Variants in DCLK1 observed in about 807,000 individuals in gnomAD.
The protein encoded by DCLK1 is doublecortin like kinase 1.
A neutral mutation model predicts 86.2 loss-of-function variants in DCLK1; 16 were observed. The observed-to-expected ratio is 0.19, with a 90% CI of 0.13 to 0.28. DCLK1 has a LOEUF of 0.28. DCLK1 is among the 10% of genes least tolerant of loss of function. The pLI is 1.00. For synonymous variants in DCLK1, 369 were observed against 370.5 expected (o/e 1.00, Z 0.05); for missense variants, 590 against 940.2 (o/e 0.63, Z 4.87).
intron 10 of DCLK1, among the ~76,000 whole-genome samples, chr13:35,824,715 T>G (rs2087480116): frequency 6.6e-6 from 1 of 152,120 alleles, no homozygotes; most frequent in Non-Finnish European, 1.5e-5. Flanking sequence ...GCTATTTTCT[T>G]TCTCTCTTCA....
At chr13:36,115,626 CAACA>C (rs1885757446) in intron 2 of DCLK1, among the ~76,000 whole-genome samples, 1 of 151,870 alleles carries the variant, frequency 6.6e-6, no homozygotes. Flanking sequence ...TAAGACACTC[CAACA>C]AATAGCAAGA....
At chr13:35,968,940 C>T (rs1322571152) in intron 3 of DCLK1, among the ~76,000 whole-genome samples, 1 of 152,158 alleles carries the variant, frequency 6.6e-6, no homozygotes, top group South Asian at 2.1e-4. Flanking sequence ...ACCAATCAGC[C>T]AACCAACAAG....
At chr13:35,910,980 G>A (rs746316780) in intron 4 of DCLK1, among the ~76,000 whole-genome samples, 1 of 152,028 alleles carries the variant, frequency 6.6e-6, no homozygotes, top group Non-Finnish European at 1.5e-5. Flanking sequence ...TAGAACACAG[G>A]TCTAAATAAC....
chr13:36,104,624 T>C (rs1566013726), intron 3 of DCLK1, among the ~76,000 whole-genome samples: 3 of 151,960 alleles, frequency 2.0e-5, no homozygotes, highest in African/African-American at 4.8e-5. Flanking sequence ...TAAATATATA[T>C]AGCAACGAGT....
chr13:36,081,979 G>T (rs2138114024), intron 3 of DCLK1, among the ~76,000 whole-genome samples: 1 of 152,282 alleles, frequency 6.6e-6, no homozygotes, highest in African/African-American at 2.4e-5. Context: ...TCTAATGAGG[G>T]TGGAGAGGCC....
intron 2 of DCLK1, among the ~76,000 whole-genome samples, chr13:36,124,768 C>A (rs1390742079): frequency 6.6e-6 from 1 of 152,188 alleles, no homozygotes; most frequent in East Asian, 1.9e-4. Context: ...ACACTCCATC[C>A]AACCTCCCTT....
chr13:35,946,601 A>G (rs1566615116), intron 4 of DCLK1, among the ~76,000 whole-genome samples: 1 of 152,246 alleles, frequency 6.6e-6, no homozygotes, highest in Admixed American at 6.5e-5. Flanking sequence ...CCAACTACGC[A>G]GAATTTGGGT....
At chr13:35,862,994 T>G (rs540205626) in intron 5 of DCLK1, among the ~76,000 whole-genome samples, 1 of 152,330 alleles carries the variant, frequency 6.6e-6, no homozygotes, top group Admixed American at 6.5e-5. Flanking sequence ...GTATTTTCAC[T>G]GCACCTTTTC....
intron 3 of DCLK1, among the ~76,000 whole-genome samples, chr13:36,023,238 C>T (rs1385925470): frequency 6.6e-6 from 1 of 152,132 alleles, no homozygotes; most frequent in Non-Finnish European, 1.5e-5. Flanking sequence ...AAGAAATTAG[C>T]TCATGTGATT....
chr13:35,909,840 C>G (rs1302962350), intron 4 of DCLK1, among the ~76,000 whole-genome samples: 1 of 151,890 alleles, frequency 6.6e-6, no homozygotes, highest in East Asian at 1.9e-4. Flanking sequence ...CTTTATTACT[C>G]CTTAAAAGAA....
In DCLK1 at chr13:35,954,319, T is replaced by C. The variant is rs558562955; in HGVS notation, c.724-6862A>G. 2.0e-5 allele frequency among the ~76,000 whole-genome samples: 3 copies of C among 152,270 alleles called. No homozygotes were observed. In the South Asian group the frequency reaches 6.2e-4, roughly 32 times the overall value. On this transcript the variant is annotated intron_variant, in intron 3 of 16. Coordinates refer to ENST00000360631, the MANE Select transcript of DCLK1 (RefSeq NM_001330071.2). ...GTGACCATTATAATTAGCTTTCAGT[T>C]AAAACTTGGCACATATGGGGCTCCT...
chr13:35,800,604 G>A (rs530781790), intron 15 of DCLK1, among the ~76,000 whole-genome samples: 1 of 152,324 alleles, frequency 6.6e-6, no homozygotes, highest in African/African-American at 2.4e-5. Flanking sequence ...CTTAGAGGAA[G>A]CTCCTGGATG....
intron 3 of DCLK1, among the ~76,000 whole-genome samples, chr13:36,013,851 C>A (rs1250546075): frequency 1.3e-5 from 2 of 152,214 alleles, no homozygotes; most frequent in Admixed American, 6.5e-5. Context: ...GCAGTTTGAT[C>A]TCAGACTGCT....
intron 3 of DCLK1, among the ~76,000 whole-genome samples, chr13:36,043,301 G>A (rs375267443): frequency 3.3e-5 from 5 of 150,606 alleles, no homozygotes; most frequent in African/African-American, 9.7e-5. Flanking sequence ...AAAAAATAAA[G>A]AACTTTTAAA....
chr13:35,839,955 A>G (rs1869673821), intron 6 of DCLK1, among the ~76,000 whole-genome samples: 1 of 152,214 alleles, frequency 6.6e-6, no homozygotes, highest in Admixed American at 6.5e-5. Context: ...TCCTGAGAAA[A>G]CAATTTGCAC....
chr13:35,849,754 T>C lies in DCLK1; in HGVS notation c.1035+4745A>G, dbSNP rs558621462. 7 of 985,164 alleles carry C rather than the reference T, an allele frequency of 7.1e-6. 1 individual carries two copies. The East Asian group carries it at 6.8e-4, about 96-fold the overall frequency. 61.0% of individuals were successfully genotyped at this position (985,164 alleles called of 1,614,324 possible). ...CAGCAAGATTGAGAATTTTTCAGAG[T>C]GGAGATTTGGATACTCTGGGCCTGA... On this transcript the variant is annotated intron_variant, in intron 6 of 16. Transcript: ENST00000360631.
intron 3 of DCLK1, among the ~76,000 whole-genome samples, chr13:35,971,926 T>C (rs916089271): frequency 1.3e-5 from 2 of 152,184 alleles, no homozygotes; most frequent in Non-Finnish European, 2.9e-5. Flanking sequence ...AAATAATTCC[T>C]GTCTTCTACC....
intron 4 of DCLK1, among the ~76,000 whole-genome samples, chr13:35,918,608 T>C (rs1875573807): frequency 6.6e-6 from 1 of 152,168 alleles, no homozygotes; most frequent in African/African-American, 2.4e-5. Context: ...CATTCAACTG[T>C]TCAACAAACA....
chr13:35,828,751 G>C (rs1041356142), intron 8 of DCLK1, among the ~76,000 whole-genome samples: 1 of 152,026 alleles, frequency 6.6e-6, no homozygotes, highest in Non-Finnish European at 1.5e-5. Context: ...CCTTCCCTCC[G>C]AAGTGATGTA....
Sources: gnomAD v4.1 joint callset for allele counts (sites outside exome capture counted in the v4.1 genomes callset) on GRCh38, gnomAD v4.1.1 for gene constraint, MANE v1.5 for transcripts, NCBI Gene and HGNC (gene_info 2026-07-23, HGNC 2026-07-21) for gene names.